Variants in NCOA3 observed in about 807,000 individuals in gnomAD.
NCOA3 encodes the protein CBP-interacting protein.
In NCOA3, 51 loss-of-function variants were observed where a neutral mutation model predicts 158.8. The ratio of observed to expected loss-of-function variants is 0.32; its 90% confidence interval spans 0.26 to 0.41. The LOEUF is 0.41. Among genes scored for constraint, NCOA3 ranks in the 10% least tolerant of loss-of-function variants. The probability of loss-of-function intolerance (pLI) is 1.00; values close to 1 mark genes in which losing one functional copy is unlikely to be tolerated. For synonymous variants in NCOA3, 537 were observed against 592.4 expected (o/e 0.91, Z 1.36); for missense variants, 1,510 against 1,746.6 (o/e 0.86, Z 2.41).
In NCOA3 at chr20:47,642,437, C is replaced by T. The variant is rs562430008; in HGVS notation, c.3252+53C>T. 27 of 1,294,296 alleles carry T rather than the reference C, an allele frequency of 2.1e-5. No individual in the cohort carries two copies. In the East Asian group the frequency reaches 5.1e-4, roughly 24 times the overall value. The allele number at this position is 1,294,296 out of a possible 1,614,324, so 80.2% of individuals were successfully genotyped here. A position where few individuals can be genotyped will look rare whatever the true frequency, so the allele number is the denominator to read the frequency against. On this transcript the variant is annotated intron_variant, in intron 17 of 22. Coordinates refer to ENST00000371998, the MANE Select transcript of NCOA3 (RefSeq NM_181659.3). ...GAGTGTATATTTGTGTGTGTGCGCG[C>T]GTACACATTCATGAAGCCACATACA...
chr20:47,616,090 G>A (rs1284717032), intron 2 of NCOA3, among the ~76,000 whole-genome samples: 5 of 151,442 alleles, frequency 3.3e-5, no homozygotes, highest in East Asian at 2.0e-4. Flanking sequence ...TCTGGGAGGT[G>A]GAGGTTGCAG....
chr20:47,528,172 A>G (rs6094727), intron 1 of NCOA3, among the ~76,000 whole-genome samples: 2,564 of 152,294 alleles, frequency 0.017, 75 homozygotes, highest in African/African-American at 0.059. Flanking sequence ...TTAAAGCTCA[A>G]AATAACAGTT....
intron 13 of NCOA3, among the ~76,000 whole-genome samples, chr20:47,638,249 A>G (rs1473706185): frequency 2.0e-5 from 3 of 152,178 alleles, no homozygotes; most frequent in African/African-American, 4.8e-5. Flanking sequence ...GACTTCATCA[A>G]TTTAACAAAG....
At chr20:47,619,694 C>T (rs1471290693) in intron 2 of NCOA3, among the ~76,000 whole-genome samples, 1 of 149,986 alleles carries the variant, frequency 6.7e-6, no homozygotes, top group East Asian at 1.9e-4. Context: ...GTTTGCCATT[C>T]AATTTAAAAA....
chr20:47,555,907 G>A (rs1345488285), intron 1 of NCOA3, among the ~76,000 whole-genome samples: 1 of 150,228 alleles, frequency 6.7e-6, no homozygotes, highest in Non-Finnish European at 1.5e-5. Flanking sequence ...CTCCCAAAGT[G>A]CTGGGATTAC....
intron 1 of NCOA3, among the ~76,000 whole-genome samples, chr20:47,558,373 C>T (rs1277887482): frequency 4.0e-5 from 6 of 151,258 alleles, no homozygotes; most frequent in Non-Finnish European, 7.4e-5. Context: ...TGAGCCACCG[C>T]GCCGGCCTAA....
Position 47,635,475 on chromosome 20 carries a change from T to C in NCOA3, c.1266T>C (p.Pro422=). Residue 422 remains proline (P), a synonymous_variant, in exon 11 of 23, where the codon CCT becomes CCC. Transcript: ENST00000371998. The stretch of plus-strand genomic sequence containing the variant: ...GCAGGGCCTATGGCTTGGCAGACCC[T>C]AGCACCACAGGGCAGATGAGTGGAG... ...PSSRAYGLAD[P]STTGQMSGAR... is the part of the protein sequence containing the mutation. The C allele has an allele frequency of 6.2e-7, 1 of 1,614,058 alleles. No homozygotes were observed. The highest frequency in any genetic ancestry group is 8.5e-7 in the Non-Finnish European group (1 of 1,180,004).
chr20:47,601,900 CAG>C (rs1344981988), intron 2 of NCOA3, among the ~76,000 whole-genome samples: 8 of 152,286 alleles, frequency 5.3e-5, no homozygotes, highest in Non-Finnish European at 8.8e-5. Flanking sequence ...TCAAGGATAA[CAG>C]GGGGAGCCAT....
At position 47,511,550 on chromosome 20, in the gene NCOA3, T is replaced by TATATATATATACACACACACACATACAC; in HGVS notation, c.-99+9537_-99+9538insATATACACACACACACATACACATATAT. The stretch of plus-strand genomic sequence containing the variant: ...ATATATATATATATATATATATATA[T>TATATATATATACACACACACACATACAC]ATATATTTCTTTTTTTTTTTGAGAC... On this transcript the variant is annotated intron_variant, in intron 1 of 22. Transcript: ENST00000371998. Among the ~76,000 whole-genome samples the TATATATATATACACACACACACATACAC allele has an allele frequency of 7.8e-3, 408 of 52,252 alleles. 16 individuals are homozygous for TATATATATATACACACACACACATACAC. The highest frequency in any genetic ancestry group is 0.012 in the Non-Finnish European group (304 of 25,098). The allele number at this position is 52,252 out of a possible 152,430, so 34.3% of individuals were successfully genotyped here. A position where few individuals can be genotyped will look rare whatever the true frequency, so the allele number is the denominator to read the frequency against.
chr20:47,651,352 C>A, intron 20 of NCOA3, 76 bp downstream of exon 20: 1 of 1,517,734 alleles, frequency 6.6e-7, no homozygotes, highest in Admixed American at 2.2e-5. Flanking sequence ...ATTTATTGCA[C>A]ATGAAAGACA....
chr20:47,539,839 C>G (rs890405888), intron 1 of NCOA3, among the ~76,000 whole-genome samples: 1 of 152,160 alleles, frequency 6.6e-6, no homozygotes, highest in Non-Finnish European at 1.5e-5. Context: ...TTATGTACTA[C>G]TGGGAAAGAA....
chr20:47,512,309 A>AC (rs2084157676), intron 1 of NCOA3, among the ~76,000 whole-genome samples: 1 of 152,094 alleles, frequency 6.6e-6, no homozygotes, highest in Admixed American at 6.5e-5. Context: ...CGTAGCTCAC[A>AC]CCTATAATCC....
chr20:47,593,513 T>G (rs2146244206), intron 2 of NCOA3, among the ~76,000 whole-genome samples: 1 of 151,544 alleles, frequency 6.6e-6, no homozygotes, highest in South Asian at 2.1e-4. Context: ...GGCTAATTTT[T>G]TTTGTATTTT....
intron 1 of NCOA3, among the ~76,000 whole-genome samples, chr20:47,572,644 C>T (rs1175937860): frequency 6.6e-6 from 1 of 151,916 alleles, no homozygotes; most frequent in Admixed American, 6.6e-5. Flanking sequence ...TCAAGTGATT[C>T]TCCTGCCTTA....
intron 2 of NCOA3, among the ~76,000 whole-genome samples, chr20:47,606,036 C>T (rs950448425): frequency 6.6e-6 from 1 of 152,172 alleles, no homozygotes; most frequent in African/African-American, 2.4e-5. Flanking sequence ...TTTGTAGAGA[C>T]AGTGTCCTGC....
chr20:47,633,024 C>G (rs2086448300), intron 8 of NCOA3, among the ~76,000 whole-genome samples: 1 of 152,128 alleles, frequency 6.6e-6, no homozygotes, highest in African/African-American at 2.4e-5. Flanking sequence ...TCCTTCCTCC[C>G]TCATGCCCCA....
chr20:47,593,585 C>T (rs1321190908), intron 2 of NCOA3, among the ~76,000 whole-genome samples: 7 of 151,982 alleles, frequency 4.6e-5, no homozygotes, highest in South Asian at 2.1e-4. Flanking sequence ...CCTCGTGATC[C>T]GCCTGCCTCG....
At chr20:47,596,620 C>G (rs1165074298) in intron 2 of NCOA3, among the ~76,000 whole-genome samples, 2 of 152,176 alleles carry the variant, frequency 1.3e-5, no homozygotes, top group African/African-American at 4.8e-5. Flanking sequence ...GGGTCTCACA[C>G]TGTTGCCCAG....
At chr20:47,543,138 A>T (rs1028518980) in intron 1 of NCOA3, among the ~76,000 whole-genome samples, 1 of 152,160 alleles carries the variant, frequency 6.6e-6, no homozygotes, top group Non-Finnish European at 1.5e-5. Context: ...GAGGTGGCTT[A>T]CTCAGTGACC....
Sources: gnomAD v4.1 joint callset for allele counts (sites outside exome capture counted in the v4.1 genomes callset) on GRCh38, gnomAD v4.1.1 for gene constraint, MANE v1.5 for transcripts, NCBI Gene and HGNC (gene_info 2026-07-23, HGNC 2026-07-21) for gene names.